STARD8: variants seen among roughly 807,000 people sequenced by gnomAD.
STARD8 encodes stAR-related lipid transfer protein 8.
A neutral mutation model predicts 69.4 loss-of-function variants in STARD8; 25 were observed. The observed-to-expected ratio is 0.36, with a 90% CI of 0.26 to 0.50. The LOEUF (loss-of-function observed/expected upper bound fraction) is 0.50. STARD8 is among the 20% of genes least tolerant of loss of function. The pLI is 0.96. For missense variants in STARD8, 921 were observed against 932.5 expected, an observed-to-expected ratio of 0.99 and a Z score of 0.16; for synonymous variants, 389 against 374.6, an observed-to-expected ratio of 1.04 and a Z score of -0.45.
At position 68,718,373 on chromosome X, in the gene STARD8, C is replaced by T. The variant is rs770395994; in HGVS notation, c.1459C>T (p.Pro487Ser). 2 of 1,205,098 alleles carry T rather than the reference C, an allele frequency of 1.7e-6. No homozygotes were observed. Among genetic ancestry groups the T allele is most frequent in the Non-Finnish European group, 2.2e-6 (2 of 891,998 alleles). ...ACAGGAAGAGGCTGAGGCCCCGGCC[C>T]CAGCCCCGGCCCCGGCCCCAGCCCA... ...VAQEEAEAPA[P>S]APAPAPAQDS... is the part of the protein sequence containing the mutation. The change falls in exon 6 of 15, where the codon CCA becomes TCA. Residue 487 changes from proline (P) to serine (S), a missense_variant. Physicochemically the swap from Pro to Ser is moderately conservative, Grantham distance 74. Transcript: ENST00000374599.
chrX:68,693,996 CT>C lies in STARD8; in HGVS notation c.80-18917del, dbSNP rs769944854. Among the ~76,000 whole-genome samples the C allele has an allele frequency of 5.5e-3, 628 of 113,535 alleles. 2 individuals are homozygous for C. Among genetic ancestry groups the C allele is most frequent in the Non-Finnish European group, 7.8e-3 (416 of 53,332 alleles). ...GAAGCGAGCCGAGCCACCCCCGCCC[CT>C]GGGATTGGGGGGTCAGAATCGCCGA... On this transcript the variant is annotated intron_variant, in intron 2 of 14. Transcript: ENST00000374599.
Position 68,724,837 on chromosome X carries a change from A to G in STARD8, c.*415A>G, listed in dbSNP as rs541600319. The G allele has an allele frequency of 3.5e-4, 44 of 125,671 alleles. No individual in the cohort carries two copies. In the South Asian group the frequency reaches 5.9e-3, roughly 17 times the overall value. The allele number at this position is 125,671 out of a possible 1,213,427, so 10.4% of individuals were successfully genotyped here. The stretch of plus-strand genomic sequence containing the variant: ...GAGGGCAAGCCGTCTTGTTTGCTGC[A>G]AGGATGCTTTTGAGGTTGGACAGGA... On this transcript the variant is annotated 3_prime_UTR_variant, in exon 15 of 15. Coordinates refer to ENST00000374599, the MANE Select transcript of STARD8 (RefSeq NM_001142503.3).
intron 2 of STARD8, among the ~76,000 whole-genome samples, chrX:68,707,978 C>G (rs1359982835): frequency 8.9e-6 from 1 of 112,047 alleles, no homozygotes; most frequent in East Asian, 2.8e-4. Context: ...TTCTCTCTTC[C>G]TCCTGGCTCT....
intron 2 of STARD8, among the ~76,000 whole-genome samples, chrX:68,692,320 G>A (rs746673634): frequency 7.1e-5 from 8 of 112,039 alleles, no homozygotes; most frequent in Non-Finnish European, 1.3e-4. Flanking sequence ...ACACAGTGGT[G>A]GTAGTGTCAC....
Position 68,718,611 on chromosome X carries a change from CACTT to C in STARD8, c.1700_1703del (p.Leu567ProfsTer69). On this transcript the variant is annotated frameshift_variant, in exon 6 of 15. Transcript: ENST00000374599. LOFTEE classifies it high-confidence loss of function. ...CGGCGCGATTCAGGTGTTGGGGCCT[CACTT>C]ACCAGACCCTGCAGGTGAGAGTTTG... is the stretch of plus-strand genomic sequence containing the variant. 2.5e-6 allele frequency: 3 copies of C among 1,201,778 alleles called. No individual in the cohort carries two copies. The highest frequency in any genetic ancestry group is 3.4e-6 in the Non-Finnish European group (3 of 890,212).
chrX:68,718,064 A>T lies in STARD8; in HGVS notation c.1150A>T (p.Ser384Cys). The T allele has an allele frequency of 8.3e-7, 1 of 1,211,351 alleles. No individual in the cohort carries two copies. Among genetic ancestry groups the T allele is most frequent in the Non-Finnish European group, 1.1e-6 (1 of 895,306 alleles). The change falls in exon 6 of 15, where the codon AGC (serine) becomes TGC (cysteine). Residue 384 changes from serine (S) to cysteine (C), a missense_variant. Coordinates refer to ENST00000374599, the MANE Select transcript of STARD8 (RefSeq NM_001142503.3). Reference protein sequence around the residue: ...EDEDDEESGGSYAHLDDILQH... With the variant: ...EDEDDEESGGCYAHLDDILQH... ...TGAAGATGATGAGGAGAGTGGGGGCAGCTATGCTCACCTAGACGACATCCT... is the reference window on the plus strand; with the variant it reads ...TGAAGATGATGAGGAGAGTGGGGGCTGCTATGCTCACCTAGACGACATCCT...
At chrX:68,699,199 G>T (rs1195324926) in intron 2 of STARD8, among the ~76,000 whole-genome samples, 38 of 111,475 alleles carry the variant, frequency 3.4e-4, no homozygotes, top group Non-Finnish European at 7.5e-5. Context: ...GCAGCCAAGG[G>T]CCTAGCCAGC....
chrX:68,686,937 C>T (rs1449733749), intron 2 of STARD8, among the ~76,000 whole-genome samples: 1 of 110,966 alleles, frequency 9.0e-6, no homozygotes. Context: ...CAGTATGTCC[C>T]TTTACACCCA....
At chrX:68,721,220 C>T in intron 9 of STARD8, 98 bp downstream of exon 9, 1 of 992,635 alleles carries the variant, frequency 1.0e-6, no homozygotes, top group Non-Finnish European at 1.4e-6. Flanking sequence ...GCAAATGTAG[C>T]TGGACCTGTG....
At chrX:68,664,370 C>A (rs908015066) in intron 1 of STARD8, among the ~76,000 whole-genome samples, 32 of 112,176 alleles carry the variant, frequency 2.9e-4, no homozygotes, top group African/African-American at 9.4e-4. Context: ...ACTTCCTACC[C>A]AGCAGCCAGA....
chrX:68,661,056 G>T (rs182398859), intron 1 of STARD8, among the ~76,000 whole-genome samples: 1 of 111,896 alleles, frequency 8.9e-6, no homozygotes, highest in Non-Finnish European at 1.9e-5. Context: ...GAGGGGTGGG[G>T]ATGTTGGAGG....
At chrX:68,702,546 A>T (rs2079974210) in intron 2 of STARD8, among the ~76,000 whole-genome samples, 1 of 112,014 alleles carries the variant, frequency 8.9e-6, no homozygotes. Context: ...CTGGTAGATG[A>T]TTTTGTGTCT....
chrX:68,680,490 G>A (rs1254191078), intron 2 of STARD8, among the ~76,000 whole-genome samples: 5 of 112,581 alleles, frequency 4.4e-5, no homozygotes, highest in Non-Finnish European at 7.5e-5. Context: ...AAGAGGGCAA[G>A]GATGAGGACA....
chrX:68,674,293 CAA>C (rs60245351), intron 2 of STARD8, among the ~76,000 whole-genome samples: 3,852 of 35,522 alleles, frequency 0.11, 197 homozygotes, highest in African/African-American at 0.24. Flanking sequence ...AACTCCGTCT[CAA>C]AAAAAAAAAA....
intron 3 of STARD8, among the ~76,000 whole-genome samples, chrX:68,714,942 T>C (rs745569507): frequency 4.8e-4 from 54 of 111,608 alleles, no homozygotes; most frequent in African/African-American, 1.6e-3. Context: ...CAAGTTCACC[T>C]TGGGCCAAGG....
chrX:68,701,780 C>T (rs1300746928), intron 2 of STARD8, among the ~76,000 whole-genome samples: 1 of 111,527 alleles, frequency 9.0e-6, no homozygotes, highest in Non-Finnish European at 1.9e-5. Flanking sequence ...TGCTGGGTGG[C>T]ATCAGGGAGG....
At chrX:68,653,011 CCACA>C (rs1231946642) in intron 1 of STARD8, among the ~76,000 whole-genome samples, 1 of 10,394 alleles carries the variant, frequency 9.6e-5, no homozygotes, top group Non-Finnish European at 2.0e-4. Flanking sequence ...ACACACACCA[CCACA>C]CACACACACC....
intron 3 of STARD8, among the ~76,000 whole-genome samples, chrX:68,713,313 C>T (rs771792053): frequency 1.8e-5 from 2 of 112,706 alleles, no homozygotes; most frequent in Admixed American, 1.9e-4. Context: ...GAGTTGTACA[C>T]CCTGGTGGCC....
At chrX:68,668,071 T>A (rs1410277646) in intron 2 of STARD8, among the ~76,000 whole-genome samples, 2 of 86,982 alleles carry the variant, frequency 2.3e-5, no homozygotes, top group Admixed American at 1.3e-4. Context: ...CTTTCTTTCT[T>A]TCTTTCTTTC....
Sources: allele counts gnomAD v4.1 joint callset (sites outside exome capture counted in the v4.1 genomes callset), GRCh38; gene constraint gnomAD v4.1.1; transcripts MANE v1.5; gene names NCBI Gene and HGNC (gene_info 2026-07-23, HGNC 2026-07-21).